Variants in GINM1 observed in about 807,000 individuals in gnomAD.
GINM1 encodes the protein glycosylated integral membrane protein 1, also known as glycoprotein integral membrane protein 1.
GINM1 carries 29 observed loss-of-function variants against 37.8 expected under a neutral mutation model. The ratio of observed to expected loss-of-function variants is 0.77; its 90% CI spans 0.57 to 1.05. The LOEUF is 1.05. Among genes scored for constraint, GINM1 ranks in the 50% least tolerant of loss-of-function variants. GINM1 has a pLI of 0.00. For missense variants in GINM1, 377 were observed against 397.9 expected (o/e 0.95, Z 0.45); for synonymous variants, 143 against 146.2 (o/e 0.98, Z 0.16).
intron 4 of GINM1, 33 bp downstream of exon 4, chr6:149,579,006 A>G (rs767417000): frequency 8.9e-6 from 12 of 1,347,616 alleles, no homozygotes; most frequent in South Asian, 3.9e-5. Context: ...TGGGAATTAA[A>G]TGATATTTAG....
chr6:149,572,601 T>C lies in GINM1; in HGVS notation c.275T>C (p.Ile92Thr), dbSNP rs1777845896. 2 of 1,499,348 alleles carry C rather than the reference T, an allele frequency of 1.3e-6. No individual in the cohort carries two copies. Among genetic ancestry groups the C allele is most frequent in the South Asian group, 1.1e-5 (1 of 87,960 alleles). The allele number at this position is 1,499,348 out of a possible 1,614,324, so 92.9% of individuals were successfully genotyped here. ...ACCCGAATAAGCTGTCAGACTTTGA[T>C]AGGTGAGTATTACTAAATTATTTCC... is the stretch of plus-strand genomic sequence containing the variant. ...GVTRISCQTL[I>T]VKNENLENLE... The change falls in exon 3 of 8, where the codon ATA becomes ACA. Residue 92 changes from isoleucine to threonine, a missense_variant and splice_region_variant. Physicochemically the swap from Ile to Thr is moderately conservative, Grantham distance 89. Transcript: ENST00000367419.
intron 1 of GINM1, among the ~76,000 whole-genome samples, chr6:149,570,139 TATA>T (rs1777790060): frequency 1.1e-3 from 3 of 2,792 alleles, no homozygotes; most frequent in African/African-American, 1.5e-3. Flanking sequence ...GTAGGTTTTA[TATA>T]TATATATATA....
At position 149,577,421 on chromosome 6, in the gene GINM1, G is replaced by A. The variant is rs1247788997; in HGVS notation, c.278-1401G>A. 2.6e-5 allele frequency: 4 copies of A among 153,310 alleles called. No homozygotes were observed. The East Asian group carries it at 5.8e-4, about 22-fold the overall frequency. The allele number at this position is 153,310 out of a possible 1,614,324, so 9.5% of individuals were successfully genotyped here. On this transcript the variant is annotated intron_variant, in intron 3 of 7. Coordinates refer to ENST00000367419, the MANE Select transcript of GINM1 (RefSeq NM_138785.5). ...CATGAAGGATTAGGCACACTAGAGA[G>A]AGGAGCAGCGAGGGGCCAGATGAGG... is the stretch of plus-strand genomic sequence containing the variant.
chr6:149,568,265 C>A (rs982096786), intron 1 of GINM1, among the ~76,000 whole-genome samples: 1 of 152,232 alleles, frequency 6.6e-6, no homozygotes, highest in Admixed American at 6.5e-5. Flanking sequence ...CAAAAAGTTT[C>A]ACAGATTAAA....
At chr6:149,579,422 G>A (rs979206831) in intron 4 of GINM1, among the ~76,000 whole-genome samples, 4 of 152,230 alleles carry the variant, frequency 2.6e-5, no homozygotes, top group African/African-American at 9.6e-5. Context: ...TGGGCATGGT[G>A]GCTCACACCT....
chr6:149,570,129 G>A (rs1259423947), intron 1 of GINM1, among the ~76,000 whole-genome samples: 1 of 90,202 alleles, frequency 1.1e-5, no homozygotes, highest in Non-Finnish European at 2.1e-5. Flanking sequence ...ATTTTACTAG[G>A]TAGGTTTTAT....
chr6:149,573,986 GTTGCA>G (rs1243173985), intron 3 of GINM1, among the ~76,000 whole-genome samples: 1 of 150,654 alleles, frequency 6.6e-6, no homozygotes, highest in African/African-American at 2.4e-5. Context: ...AAGCAGGTAT[GTTGCA>G]TTGGAATATG....
At chr6:149,587,268 A>G (rs2115063365) in intron 7 of GINM1, among the ~76,000 whole-genome samples, 1 of 152,318 alleles carries the variant, frequency 6.6e-6, no homozygotes, top group South Asian at 2.1e-4. Flanking sequence ...TTCACCACCA[A>G]TAACTAATTC....
chr6:149,586,310 T>C (rs1239531097), intron 7 of GINM1, among the ~76,000 whole-genome samples: 1 of 152,152 alleles, frequency 6.6e-6, no homozygotes, highest in African/African-American at 2.4e-5. Flanking sequence ...TGTCAGGCTC[T>C]TTTTAACAAC....
rs1562270380 is a variant in GINM1 at position 149,572,491 on chromosome 6, G to A, written c.181-16G>A. The A allele has an allele frequency of 6.9e-7, 1 of 1,455,146 alleles. No individual in the cohort carries two copies. Among genetic ancestry groups the A allele is most frequent in the Non-Finnish European group, 9.5e-7 (1 of 1,051,804 alleles). 90.1% of individuals were successfully genotyped at this position (1,455,146 alleles called of 1,614,324 possible). On this transcript the variant is annotated splice_polypyrimidine_tract_variant and intron_variant, in intron 2 of 7. Transcript: ENST00000367419. ...TATAAATATTGGAATTAATGTATAT[G>A]CTGCTTTATTTTAAGGTTGTTCTTA...
intron 3 of GINM1, chr6:149,577,482 C>CGATTGAGGGAAATATTGTAATACATATG (rs1777931756): frequency 6.5e-6 from 1 of 153,016 alleles, no homozygotes; most frequent in Non-Finnish European, 1.5e-5. Context: ...CCGGGAACTT[C>CGATTGAGGGAAATATTGTAATACATATG]ACAGAAGTGC....
intron 1 of GINM1, among the ~76,000 whole-genome samples, chr6:149,569,017 TA>T (rs1441423987): frequency 4.6e-5 from 7 of 151,442 alleles, no homozygotes; most frequent in African/African-American, 1.2e-4. Flanking sequence ...TTTTTATTTT[TA>T]TTTTTTTATT....
At chr6:149,580,788 A>G (rs912298695) in intron 6 of GINM1, 65 bp downstream of exon 6, 18 of 1,438,742 alleles carry the variant, frequency 1.3e-5, no homozygotes, top group Non-Finnish European at 1.6e-5. Flanking sequence ...CGACCCTAGC[A>G]TTTAAAATGG....
intron 1 of GINM1, among the ~76,000 whole-genome samples, chr6:149,571,325 A>C (rs1777818816): frequency 6.6e-6 from 1 of 152,060 alleles, no homozygotes; most frequent in African/African-American, 2.4e-5. Flanking sequence ...AAAAAAAAAA[A>C]AAAAAGTCAT....
chr6:149,570,188 ATATATAT>A (rs1777795374), intron 1 of GINM1, among the ~76,000 whole-genome samples: 1 of 93,006 alleles, frequency 1.1e-5, no homozygotes, highest in African/African-American at 4.0e-5. Context: ...ATATATATAT[ATATATAT>A]ATAAAGTTCA....
intron 3 of GINM1, among the ~76,000 whole-genome samples, chr6:149,575,051 A>G (rs767214136): frequency 1.3e-5 from 2 of 152,108 alleles, no homozygotes; most frequent in Non-Finnish European, 2.9e-5. Flanking sequence ...ATGTAGTCCA[A>G]TATTCATGTG....
chr6:149,566,491 C>T lies in GINM1; in HGVS notation c.77C>T (p.Thr26Met), dbSNP rs997881466. Residue 26 changes from threonine to methionine, a missense_variant, in exon 1 of 8, where the codon ACG becomes ATG. Coordinates refer to ENST00000367419, the MANE Select transcript of GINM1 (RefSeq NM_138785.5). The surrounding 1 kb of genome is among the most constrained non-coding windows in gnomAD (Gnocchi z 4.4). The stretch of plus-strand genomic sequence containing the variant: ...GCGCTACCCGCCTCCGGCTGGCTGA[C>T]GACGGGCGCCCCCGAGCCGCCGCCG... ...FVALPASGWL[T>M]TGAPEPPPLS... 1 of 1,543,814 alleles carries T rather than the reference C, an allele frequency of 6.5e-7. No individual in the cohort carries two copies. The highest frequency in any genetic ancestry group is 8.7e-7 in the Non-Finnish European group (1 of 1,155,608).
Position 149,579,995 on chromosome 6 carries a change from C to CT in GINM1, c.586+7dup. 6.5e-7 allele frequency: 1 copy of CT among 1,537,274 alleles called. No individual in the cohort carries two copies. The highest frequency in any genetic ancestry group is 1.4e-5 in the African/African-American group (1 of 72,134). ...TTCCTAACCTCTCCAAAAAAGGTAA[C>CT]TTAAAAGACCATTATTTAAAGTATT... On this transcript the variant is annotated splice_donor_region_variant and intron_variant, in intron 5 of 7. Transcript: ENST00000367419.
intron 3 of GINM1, chr6:149,578,096 ATCT>A: frequency 6.6e-6 from 1 of 152,324 alleles, no homozygotes; most frequent in Non-Finnish European, 1.5e-5. Flanking sequence ...CTGCTTGGGC[ATCT>A]TCTCTCACAG....
Sources: allele counts gnomAD v4.1 joint callset (sites outside exome capture counted in the v4.1 genomes callset), GRCh38; gene constraint gnomAD v4.1.1; non-coding constraint Gnocchi (gnomAD v3.1); transcripts MANE v1.5; gene names NCBI Gene and HGNC (gene_info 2026-07-23, HGNC 2026-07-21).